The following GFPT1 variants were observed in gnomAD, a reference collection of about 807,000 sequenced individuals.
GFPT1 encodes the protein glutamine--fructose-6-phosphate aminotransferase [isomerizing] 1.
In GFPT1, 40 loss-of-function variants were observed where a neutral mutation model predicts 92.0. That is an observed-to-expected ratio of 0.43 (90% CI 0.34 to 0.57). The LOEUF is 0.57. Ranked by LOEUF, GFPT1 falls within the 20% of genes least tolerant of loss-of-function variation. The pLI, the probability that GFPT1 is intolerant of heterozygous loss-of-function variation, is 0.02. For missense variants in GFPT1, 448 were observed against 869.1 expected (o/e 0.52, Z 6.09); for synonymous variants, 269 against 280.6 (o/e 0.96, Z 0.41).
In GFPT1 at chr2:69,363,678, A is replaced by C. The variant is rs1360635200; in HGVS notation, c.224-8T>G. The C allele has an allele frequency of 6.3e-7, 1 of 1,586,614 alleles. No individual in the cohort carries two copies. The highest frequency in any genetic ancestry group is 8.7e-7 in the Non-Finnish European group (1 of 1,154,914). ...AATCCATATCTTGTTGCTCTGAAGA[A>C]TATGAAAAGAAAAATTTCAATATTA... is the stretch of plus-strand genomic sequence containing the variant. On this transcript the variant is annotated splice_polypyrimidine_tract_variant and splice_region_variant and intron_variant, in intron 3 of 19. Coordinates refer to ENST00000357308, the MANE Select transcript of GFPT1 (RefSeq NM_001244710.2).
chr2:69,377,749 G>A (rs1013431824), intron 1 of GFPT1, among the ~76,000 whole-genome samples: 4 of 152,196 alleles, frequency 2.6e-5, no homozygotes, highest in African/African-American at 9.7e-5. Flanking sequence ...AGGAAAATGG[G>A]AGCTAAGAAG....
At position 69,326,220 on chromosome 2, in the gene GFPT1, C is replaced by T; in HGVS notation, c.2069G>A (p.Arg690Gln). The change falls in exon 20 of 20, where the codon CGG (arginine) becomes CAG (glutamine). Residue 690 changes from arginine to glutamine, a missense_variant. Physicochemically the swap from Arg to Gln is conservative, Grantham distance 43. Around this residue, in one of 7 missense-constraint regions of GFPT1, gnomAD observed 55 missense variants for 98.8 expected, o/e 0.56. Coordinates refer to ENST00000357308, the MANE Select transcript of GFPT1 (RefSeq NM_001244710.2). ...TACAGTCACAGATTTGGCAAGATTC[C>T]GTGGGAAATCAACCTGCAAAAAGAA... ...VLRGYDVDFPRNLAKSVTVE is the reference protein window; with the variant it reads ...VLRGYDVDFPQNLAKSVTVE 1.3e-6 allele frequency: 2 copies of T among 1,592,676 alleles called. No individual in the cohort carries two copies. Among genetic ancestry groups the T allele is most frequent in the Non-Finnish European group, 1.7e-6 (2 of 1,170,242 alleles).
intron 1 of GFPT1, among the ~76,000 whole-genome samples, chr2:69,380,941 C>A (rs1375508491): frequency 6.6e-6 from 1 of 152,096 alleles, no homozygotes; most frequent in African/African-American, 2.4e-5. Context: ...CTCTTCCCAG[C>A]TTCTTTTTCA....
Position 69,354,321 on chromosome 2 carries a change from A to T in GFPT1, c.686-9T>A. On this transcript the variant is annotated splice_polypyrimidine_tract_variant and intron_variant, in intron 8 of 19. Coordinates refer to ENST00000357308, the MANE Select transcript of GFPT1 (RefSeq NM_001244710.2). Reference sequence around the variant, plus strand: ...TCCAATCTGAGTCCTAGCTAAGGATACACAACAGAAAAAAATTCTAATCAT... The same window carrying T: ...TCCAATCTGAGTCCTAGCTAAGGATTCACAACAGAAAAAAATTCTAATCAT... 1.3e-6 allele frequency: 2 copies of T among 1,586,144 alleles called. No individual in the cohort carries two copies. The highest frequency in any genetic ancestry group is 1.7e-6 in the Non-Finnish European group (2 of 1,170,492).
intron 1 of GFPT1, among the ~76,000 whole-genome samples, chr2:69,379,068 G>A (rs114325181): frequency 0.012 from 1,789 of 152,144 alleles, 33 homozygotes; most frequent in African/African-American, 0.041. Flanking sequence ...AACATACCAA[G>A]ACCCTGTCTC....
rs886056240 is a variant in GFPT1 at position 69,322,804 on chromosome 2, C to T, written c.*3385G>A. The T allele has an allele frequency of 4.6e-5, 7 of 152,294 alleles. No individual in the cohort carries two copies. Among genetic ancestry groups the T allele is most frequent in the Admixed American group, 2.0e-4 (3 of 15,304 alleles). 9.4% of individuals were successfully genotyped at this position (152,294 alleles called of 1,614,324 possible). On this transcript the variant is annotated 3_prime_UTR_variant, in exon 20 of 20. Coordinates refer to ENST00000357308, the MANE Select transcript of GFPT1 (RefSeq NM_001244710.2). ...TCATTTGTAGCTTACTTTGCAAATACCTTTCACTTCTTATGAAACACAATA... is the reference window on the plus strand; with the variant it reads ...TCATTTGTAGCTTACTTTGCAAATATCTTTCACTTCTTATGAAACACAATA...
rs915800424 is a variant in GFPT1 at position 69,326,286 on chromosome 2, G to A, written c.2056-53C>T. On this transcript the variant is annotated intron_variant, in intron 19 of 19. Transcript: ENST00000357308. ...GATTTGAGAGATTATATAGACTGGG[G>A]AAGGGGGTGGTTACTATAAGCAAAT... The A allele has an allele frequency of 1.1e-5, 13 of 1,179,048 alleles. 1 individual carries two copies. The South Asian group carries it at 1.5e-4, about 14-fold the overall frequency. The allele number at this position is 1,179,048 out of a possible 1,614,324, so 73.0% of individuals were successfully genotyped here. A position where few individuals can be genotyped will look rare whatever the true frequency, so the allele number is the denominator to read the frequency against.
In GFPT1 at chr2:69,326,185, T is replaced by G; in HGVS notation, c.*4A>C. Reference sequence around the variant, plus strand: ...CAGTTTCGTACATTTTGTATAGATATTCCTCACTCTACAGTCACAGATTTG... The same window carrying G: ...CAGTTTCGTACATTTTGTATAGATAGTCCTCACTCTACAGTCACAGATTTG... On this transcript the variant is annotated 3_prime_UTR_variant, in exon 20 of 20. Transcript: ENST00000357308. 6.4e-7 allele frequency: 1 copy of G among 1,568,738 alleles called. No individual in the cohort carries two copies. The highest frequency in any genetic ancestry group is 1.1e-5 in the South Asian group (1 of 90,070).
At chr2:69,358,540 G>A (rs576881071) in intron 5 of GFPT1, 77 bp from the exon 6 acceptor site, 126 of 982,202 alleles carry the variant, frequency 1.3e-4, no homozygotes, top group South Asian at 1.3e-3. Context: ...GAATTGTTCC[G>A]TCAAAATGCC....
chr2:69,367,832 T>C (rs2104675028), intron 3 of GFPT1, among the ~76,000 whole-genome samples: 1 of 152,226 alleles, frequency 6.6e-6, no homozygotes, highest in East Asian at 1.9e-4. Context: ...CCCATGTAGA[T>C]ATGGCCAGAT....
chr2:69,328,156 T>C (rs1670576373), intron 18 of GFPT1, 115 bp downstream of exon 18: 1 of 809,984 alleles, frequency 1.2e-6, no homozygotes, highest in South Asian at 1.4e-5. Flanking sequence ...CCTCAAAGGC[T>C]GTATTCCAAA....
chr2:69,368,999 G>C (rs1005708878), intron 3 of GFPT1, among the ~76,000 whole-genome samples: 1 of 151,980 alleles, frequency 6.6e-6, no homozygotes, highest in Non-Finnish European at 1.5e-5. Context: ...TCCCAGTCTC[G>C]TCAACTTGTG....
intron 13 of GFPT1, among the ~76,000 whole-genome samples, chr2:69,338,975 G>A (rs1299790926): frequency 1.3e-5 from 2 of 151,974 alleles, no homozygotes; most frequent in Non-Finnish European, 2.9e-5. Context: ...TAGTAGAGAT[G>A]GGGTTTCACC....
At chr2:69,365,732 G>A (rs1484590650) in intron 3 of GFPT1, among the ~76,000 whole-genome samples, 1 of 152,076 alleles carries the variant, frequency 6.6e-6, no homozygotes, top group African/African-American at 2.4e-5. Flanking sequence ...AAGGCAACCT[G>A]ATAAATGACC....
At chr2:69,375,925 A>G (rs1671858746) in intron 1 of GFPT1, among the ~76,000 whole-genome samples, 1 of 152,226 alleles carries the variant, frequency 6.6e-6, no homozygotes, top group Admixed American at 6.5e-5. Context: ...TTCAATGGCT[A>G]CTCATGATAT....
chr2:69,348,816 C>A (rs566879873), intron 10 of GFPT1, among the ~76,000 whole-genome samples: 33 of 152,314 alleles, frequency 2.2e-4, no homozygotes, highest in African/African-American at 7.7e-4. Flanking sequence ...TTCTCCTTCA[C>A]TCAACAAACC....
chr2:69,384,785 GA>G (rs766060436), intron 1 of GFPT1, among the ~76,000 whole-genome samples: 3 of 148,104 alleles, frequency 2.0e-5, no homozygotes, highest in Non-Finnish European at 3.0e-5. Context: ...GAAAAAGAAA[GA>G]AAGAAAGAAA....
chr2:69,356,603 A>G lies in GFPT1; in HGVS notation c.544-46T>C, dbSNP rs758977531. 3.7e-6 allele frequency: 5 copies of G among 1,352,574 alleles called. No homozygotes were observed. In the African/African-American group the frequency reaches 5.7e-5, roughly 15 times the overall value. 83.8% of individuals were successfully genotyped at this position (1,352,574 alleles called of 1,614,324 possible). A position where few individuals can be genotyped will look rare whatever the true frequency, so the allele number is the denominator to read the frequency against. ...ATTAGCACTATTTAATCAATTATCA[A>G]GTCAGAAATGCCTAGAACATACTGG... On this transcript the variant is annotated intron_variant, in intron 6 of 19. Coordinates refer to ENST00000357308, the MANE Select transcript of GFPT1 (RefSeq NM_001244710.2).
intron 1 of GFPT1, among the ~76,000 whole-genome samples, chr2:69,385,542 TTA>T (rs869273884): frequency 3.8e-4 from 27 of 71,808 alleles, no homozygotes; most frequent in South Asian, 8.3e-4. Context: ...ATTTATTTAT[TTA>T]TTTTTTTTTC....
Sources: gnomAD v4.1 joint callset for allele counts (sites outside exome capture counted in the v4.1 genomes callset) on GRCh38, gnomAD v4.1.1 for gene constraint, gnomAD v4.1.1 regional missense constraint, MANE v1.5 for transcripts, NCBI Gene and HGNC (gene_info 2026-07-23, HGNC 2026-07-21) for gene names.